The following ACSBG1 variants were observed in gnomAD, a reference collection of about 807,000 sequenced individuals.
The protein encoded by ACSBG1 is long-chain-fatty-acid--CoA ligase ACSBG1.
A neutral mutation model predicts 80.2 loss-of-function variants in ACSBG1; 39 were observed. The ratio of observed to expected loss-of-function variants is 0.49; its 90% confidence interval spans 0.38 to 0.64. ACSBG1 has a LOEUF of 0.64. Ranked by LOEUF, ACSBG1 falls within the 30% of genes least tolerant of loss-of-function variation. The probability of loss-of-function intolerance (pLI) is 0.00; values close to 1 mark genes in which losing one functional copy is unlikely to be tolerated. For missense variants in ACSBG1, 828 were observed against 966.4 expected (o/e 0.86, Z 1.90); for synonymous variants, 392 against 379.5 (o/e 1.03, Z -0.38).
At position 78,177,565 on chromosome 15, in the gene ACSBG1, G is replaced by A. The variant is rs1017638891; in HGVS notation, c.1702+1049C>T. On this transcript the variant is annotated intron_variant, in intron 11 of 13. Coordinates refer to ENST00000258873, the MANE Select transcript of ACSBG1 (RefSeq NM_015162.5). The surrounding 1 kb of genome is among the most constrained non-coding windows in gnomAD (Gnocchi z 4.1). ...ATTACAAAGAGGCACACTAGGCGGC[G>A]CCCATGGCACATCCAAGCAGTCACC... Among the ~76,000 whole-genome samples, 7 of 152,214 alleles carry A rather than the reference G, an allele frequency of 4.6e-5. No homozygotes were observed. Among genetic ancestry groups the A allele is most frequent in the South Asian group, 2.1e-4 (1 of 4,816 alleles).
intron 1 of ACSBG1, among the ~76,000 whole-genome samples, chr15:78,227,193 T>C (rs1307288089): frequency 8.5e-6 from 1 of 117,326 alleles, no homozygotes. Context: ...CACTCCAGCC[T>C]GGGTGACAGA....
chr15:78,225,140 C>T (rs1296538941), intron 1 of ACSBG1, among the ~76,000 whole-genome samples: 3 of 152,134 alleles, frequency 2.0e-5, no homozygotes, highest in Non-Finnish European at 4.4e-5. Flanking sequence ...TGGCTCACAC[C>T]TGTAATCCCA....
chr15:78,181,911 CAT>C, intron 8 of ACSBG1, 56 bp downstream of exon 8: 3 of 1,575,382 alleles, frequency 1.9e-6, no homozygotes. Flanking sequence ...CCCACAGACA[CAT>C]GTGGACGTGG....
intron 1 of ACSBG1, among the ~76,000 whole-genome samples, chr15:78,231,264 G>C (rs944385643): frequency 6.6e-6 from 1 of 151,762 alleles, no homozygotes; most frequent in Non-Finnish European, 1.5e-5. Flanking sequence ...GGGATTATAG[G>C]CATGCGCCAC....
chr15:78,199,863 C>T (rs190987752), intron 2 of ACSBG1, among the ~76,000 whole-genome samples: 11 of 152,168 alleles, frequency 7.2e-5, no homozygotes, highest in South Asian at 2.1e-4. Flanking sequence ...CCATCTTTAA[C>T]GTTGGTGATA....
rs1297169535 is a variant in ACSBG1 at position 78,167,939 on chromosome 15, G to A, written c.*3505C>T. On this transcript the variant is annotated 3_prime_UTR_variant, in exon 14 of 14. Transcript: ENST00000258873. The stretch of plus-strand genomic sequence containing the variant: ...TCATATGATTTTCTTATTCTTTAAA[G>A]TTATATTTGGGAAGTTATAATCTAC... 6.6e-6 allele frequency: 1 copy of A among 152,164 alleles called. No individual in the cohort carries two copies. The allele number at this position is 152,164 out of a possible 1,614,324, so 9.4% of individuals were successfully genotyped here.
chr15:78,212,590 C>CTCTG (rs1218001916), intron 1 of ACSBG1: 1 of 455,948 alleles, frequency 2.2e-6, no homozygotes, highest in South Asian at 1.5e-5. Context: ...GCAGGAGCAC[C>CTCTG]TCTGGCATGG....
intron 7 of ACSBG1, 103 bp downstream of exon 7, chr15:78,182,363 G>C: frequency 6.8e-7 from 1 of 1,475,162 alleles, no homozygotes; most frequent in Non-Finnish European, 9.1e-7. Context: ...CTAGAGCAGA[G>C]GGGCCCAAGG....
At chr15:78,202,699 C>T (rs576467425) in intron 2 of ACSBG1, among the ~76,000 whole-genome samples, 10 of 152,340 alleles carry the variant, frequency 6.6e-5, no homozygotes, top group African/African-American at 2.2e-4. Context: ...AGGTGCAGTG[C>T]AGTGCAGAAC....
chr15:78,182,342 T>C (rs934249486), intron 7 of ACSBG1, 124 bp downstream of exon 7: 7 of 1,403,610 alleles, frequency 5.0e-6, no homozygotes, highest in Admixed American at 2.4e-5. Flanking sequence ...CTGTTCTACC[T>C]ATCCCAGCTC....
intron 2 of ACSBG1, among the ~76,000 whole-genome samples, chr15:78,196,900 TAA>T (rs58091839): frequency 2.8e-5 from 4 of 140,654 alleles, no homozygotes; most frequent in Middle Eastern, 3.5e-3. Context: ...ACCCTATCTC[TAA>T]AAAAAAAAAA....
chr15:78,208,876 C>G (rs2075242506), intron 1 of ACSBG1, among the ~76,000 whole-genome samples: 1 of 152,236 alleles, frequency 6.6e-6, no homozygotes, highest in South Asian at 2.1e-4. Flanking sequence ...CCTCAGAGTT[C>G]ACCTGGCCAG....
chr15:78,221,697 C>G (rs2075361120), intron 1 of ACSBG1, among the ~76,000 whole-genome samples: 1 of 152,120 alleles, frequency 6.6e-6, no homozygotes, highest in South Asian at 2.1e-4. Flanking sequence ...TGGGGGGAAA[C>G]TTTGGACAAT....
chr15:78,227,144 G>C (rs976710052), intron 1 of ACSBG1, among the ~76,000 whole-genome samples: 1 of 148,124 alleles, frequency 6.8e-6, no homozygotes, highest in African/African-American at 2.5e-5. Flanking sequence ...GCTTGAACCT[G>C]GGAGGCAGAG....
At position 78,179,627 on chromosome 15, in the gene ACSBG1, GC is replaced by G. The variant is rs1443278338; in HGVS notation, c.1406del (p.Arg469ProfsTer37). On this transcript the variant is annotated frameshift_variant, in exon 10 of 14. Transcript: ENST00000258873. LOFTEE classifies it high-confidence loss of function. ...CACTGAGGCCGTAGCCCGCATACAA[GC>G]GGATGTTGAGACCCAGGAAGAAGTG... ...TQHFFLGLNI[R>X]LYAGYGLSET... 1.2e-6 allele frequency: 2 copies of G among 1,614,086 alleles called. No homozygotes were observed. The highest frequency in any genetic ancestry group is 1.7e-6 in the Non-Finnish European group (2 of 1,180,042).
chr15:78,182,257 C>G (rs909764277), intron 7 of ACSBG1, 112 bp from the exon 8 acceptor site: 67 of 1,417,476 alleles, frequency 4.7e-5, no homozygotes, highest in Non-Finnish European at 6.3e-5. Context: ...TGTGGCGATT[C>G]TGCAGGCTCT....
chr15:78,181,937 C>A, intron 8 of ACSBG1, 32 bp downstream of exon 8: 2 of 1,604,194 alleles, frequency 1.2e-6, no homozygotes, highest in Non-Finnish European at 8.5e-7. Context: ...GGCACACGGG[C>A]TCAGACGGAC....
chr15:78,178,590 C>T lies in ACSBG1; in HGVS notation c.1702+24G>A. 6.3e-7 allele frequency: 1 copy of T among 1,585,076 alleles called. No homozygotes were observed. The highest frequency in any genetic ancestry group is 8.6e-7 in the Non-Finnish European group (1 of 1,166,048). Reference sequence around the variant, plus strand: ...GTGCTGGGATTACAGGCATGAGCCACCGTGCCTGGCCTGGGGTGCTCACCT... The same window carrying T: ...GTGCTGGGATTACAGGCATGAGCCATCGTGCCTGGCCTGGGGTGCTCACCT... On this transcript the variant is annotated intron_variant, in intron 11 of 13. Transcript: ENST00000258873. The surrounding 1 kb of genome is among the most constrained non-coding windows in gnomAD (Gnocchi z 4.3).
At chr15:78,206,825 C>T (rs1219042806) in intron 2 of ACSBG1, among the ~76,000 whole-genome samples, 1 of 152,232 alleles carries the variant, frequency 6.6e-6, no homozygotes, top group Non-Finnish European at 1.5e-5. Flanking sequence ...GTTTCTCCCT[C>T]GGGATGCCAG....
Sources: allele counts gnomAD v4.1 joint callset (sites outside exome capture counted in the v4.1 genomes callset), GRCh38; gene constraint gnomAD v4.1.1; non-coding constraint Gnocchi (gnomAD v3.1); transcripts MANE v1.5; gene names NCBI Gene and HGNC (gene_info 2026-07-23, HGNC 2026-07-21).